PLEKHA7: variants seen among roughly 807,000 people sequenced by gnomAD.
PLEKHA7 encodes the protein pleckstrin homology domain containing A7.
In PLEKHA7, 104 loss-of-function variants were observed where a neutral mutation model predicts 170.0. The observed-to-expected ratio is 0.61, with a 90% CI of 0.52 to 0.72. The LOEUF is 0.72. Among genes scored for constraint, PLEKHA7 ranks in the 30% least tolerant of loss-of-function variants. The probability of loss-of-function intolerance (pLI) is 0.00; values close to 1 mark genes in which losing one functional copy is unlikely to be tolerated. For missense variants in PLEKHA7, 1,615 were observed against 1,671.7 expected (o/e 0.97, Z 0.59); for synonymous variants, 648 against 660.8 (o/e 0.98, Z 0.30).
At chr11:16,964,037 C>A (rs983750272) in intron 3 of PLEKHA7, among the ~76,000 whole-genome samples, 45 of 152,132 alleles carry the variant, frequency 3.0e-4, no homozygotes, top group African/African-American at 9.9e-4. Context: ...TTTGGCTATT[C>A]TAGGTATCTC....
chr11:16,982,034 C>T (rs1863460196), intron 3 of PLEKHA7, among the ~76,000 whole-genome samples: 1 of 152,254 alleles, frequency 6.6e-6, no homozygotes, highest in African/African-American at 2.4e-5. Context: ...TGAGAGGACA[C>T]TCCATATGCC....
intron 10 of PLEKHA7, among the ~76,000 whole-genome samples, chr11:16,820,527 T>G (rs1850129658): frequency 6.6e-6 from 1 of 151,686 alleles, no homozygotes; most frequent in African/African-American, 2.4e-5. Context: ...GACGGGGCAG[T>G]GCCTGAATCC....
chr11:16,965,100 G>A (rs1026490523), intron 3 of PLEKHA7, among the ~76,000 whole-genome samples: 7 of 151,950 alleles, frequency 4.6e-5, no homozygotes, highest in African/African-American at 1.7e-4. Flanking sequence ...CTTGAGGTCA[G>A]GAGTTTGAGA....
intron 17 of PLEKHA7, among the ~76,000 whole-genome samples, chr11:16,800,032 C>A (rs1159941418): frequency 6.6e-6 from 1 of 152,224 alleles, no homozygotes; most frequent in Non-Finnish European, 1.5e-5. Context: ...CTCATTAAAT[C>A]ACTTAAACAA....
intron 3 of PLEKHA7, chr11:16,881,470 C>G (rs1007396569): frequency 6.6e-6 from 1 of 152,232 alleles, no homozygotes; most frequent in Non-Finnish European, 1.5e-5. Context: ...CATTCATTCT[C>G]GTTCCTCTCC....
chr11:17,013,145 A>G (rs1420131797), intron 3 of PLEKHA7: 1 of 152,376 alleles, frequency 6.6e-6, no homozygotes, highest in African/African-American at 2.4e-5. Flanking sequence ...CCCGGAGCTC[A>G]GCAGGCAGAG....
intron 3 of PLEKHA7, among the ~76,000 whole-genome samples, chr11:16,968,407 G>A (rs1862504640): frequency 6.6e-6 from 1 of 152,176 alleles, no homozygotes; most frequent in Non-Finnish European, 1.5e-5. Flanking sequence ...CTGAGATCAG[G>A]CCTCCTCCTG....
chr11:16,806,441 G>A (rs1476527074), intron 13 of PLEKHA7, among the ~76,000 whole-genome samples: 1 of 152,150 alleles, frequency 6.6e-6, no homozygotes, highest in Non-Finnish European at 1.5e-5. Flanking sequence ...AAAGTCTGTG[G>A]GTGCTCATCC....
chr11:16,963,903 C>T (rs1459279680), intron 3 of PLEKHA7, among the ~76,000 whole-genome samples: 3 of 152,220 alleles, frequency 2.0e-5, no homozygotes, highest in Non-Finnish European at 2.9e-5. Context: ...GTGCAACCAA[C>T]GCCACTATGT....
chr11:16,824,227 T>C (rs404306), intron 10 of PLEKHA7, among the ~76,000 whole-genome samples: 18,155 of 152,270 alleles, frequency 0.12, 1,170 homozygotes, highest in Middle Eastern at 0.16. Context: ...CAATAATTTA[T>C]TGTACATTTA....
chr11:16,790,709 T>C, intron 21 of PLEKHA7, 89 bp downstream of exon 21: 2 of 1,329,232 alleles, frequency 1.5e-6, no homozygotes, highest in Non-Finnish European at 2.1e-6. Flanking sequence ...GGCCTAGAGC[T>C]GCAGGCAGAA....
intron 3 of PLEKHA7, among the ~76,000 whole-genome samples, chr11:16,946,097 T>C (rs981124682): frequency 7.2e-5 from 11 of 152,170 alleles, no homozygotes; most frequent in African/African-American, 2.4e-4. Flanking sequence ...CCTCTCCTCA[T>C]GGGGGCAGCA....
rs1168397866 is a variant in PLEKHA7, at chr11:16,986,795, C to G, written c.221+27194G>C. On this transcript the variant is annotated intron_variant, in intron 3 of 26. Transcript: ENST00000531066. ...ACCTCTACCAACATCCTGGAAAGGC[C>G]CCAATCAGATAAGTATCAGCTCTGC... 2.0e-5 allele frequency among the ~76,000 whole-genome samples: 3 copies of G among 152,218 alleles called. No homozygotes were observed. The East Asian group carries it at 5.8e-4, about 29-fold the overall frequency.
intron 4 of PLEKHA7, among the ~76,000 whole-genome samples, chr11:16,864,218 T>C (rs1854202892): frequency 1.3e-5 from 2 of 152,202 alleles, no homozygotes; most frequent in Admixed American, 6.5e-5. Context: ...GGCAAGACTC[T>C]TAACCTCTCT....
At chr11:16,894,808 A>C (rs771184302) in intron 3 of PLEKHA7, among the ~76,000 whole-genome samples, 1 of 152,154 alleles carries the variant, frequency 6.6e-6, no homozygotes, top group East Asian at 1.9e-4. Context: ...GTAGATAAAG[A>C]ACCACACAAG....
In PLEKHA7 at chr11:16,997,544, C is replaced by T. The variant is rs143300064; in HGVS notation, c.221+16445G>A. On this transcript the variant is annotated intron_variant, in intron 3 of 26. Transcript: ENST00000531066. ...GAGAATGCAGCTAACCAGACAGTGA[C>T]TTCCTTCACTCACCTGGCACTCGAT... Among the ~76,000 whole-genome samples the T allele has an allele frequency of 2.9e-4, 44 of 152,268 alleles. No homozygotes were observed. In the East Asian group the frequency reaches 8.3e-3, roughly 29 times the overall value.
intron 3 of PLEKHA7, among the ~76,000 whole-genome samples, chr11:16,965,019 AAG>A (rs781227140): frequency 5.8e-5 from 7 of 121,490 alleles, no homozygotes; most frequent in South Asian, 2.7e-4. Context: ...AAAAAAAAAA[AAG>A]GTTTGGGCCA....
chr11:16,966,213 A>G (rs1862363304), intron 3 of PLEKHA7, among the ~76,000 whole-genome samples: 4 of 152,182 alleles, frequency 2.6e-5, no homozygotes. Flanking sequence ...AAGACACAGG[A>G]GAAGGAAAAC....
At chr11:16,828,490 T>C (rs1850840380) in intron 9 of PLEKHA7, among the ~76,000 whole-genome samples, 1 of 152,118 alleles carries the variant, frequency 6.6e-6, no homozygotes, top group Non-Finnish European at 1.5e-5. Context: ...TTTATAGCAG[T>C]GTGAGAATGG....
Sources: gnomAD v4.1 joint callset for allele counts (sites outside exome capture counted in the v4.1 genomes callset) on GRCh38, gnomAD v4.1.1 for gene constraint, MANE v1.5 for transcripts, NCBI Gene and HGNC (gene_info 2026-07-23, HGNC 2026-07-21) for gene names.